The following PKD1 variants were observed in gnomAD, a reference collection of about 807,000 sequenced individuals.
PKD1 encodes polycystin-1.
A neutral mutation model predicts 361.7 loss-of-function variants in PKD1; 81 were observed. That is an observed-to-expected ratio of 0.22 (90% CI 0.19 to 0.27). The LOEUF is 0.27. Among genes scored for constraint, PKD1 ranks in the 10% least tolerant of loss-of-function variants. The pLI is 1.00. For missense variants in PKD1, 6,399 were observed against 6,118.3 expected, an observed-to-expected ratio of 1.05 and a Z score of -1.53; for synonymous variants, 3,615 against 2,818.3, an observed-to-expected ratio of 1.28 and a Z score of -8.95.
At chr16:2,107,177 G>A (rs991207061) in intron 16 of PKD1, 67 of 589,448 alleles carry the variant, frequency 1.1e-4, no homozygotes, top group Non-Finnish European at 1.2e-4. Context: ...CTGGTGTACT[G>A]GACCCAGCTG....
Position 2,091,462 on chromosome 16 carries a change from G to A in PKD1, c.11673C>T (p.Arg3891=). 2 of 1,282,414 alleles carry A rather than the reference G, an allele frequency of 1.6e-6. No individual in the cohort carries two copies. Among genetic ancestry groups the A allele is most frequent in the African/African-American group, 1.6e-5 (1 of 61,566 alleles). 79.4% of individuals were successfully genotyped at this position (1,282,414 alleles called of 1,614,324 possible). A position where few individuals can be genotyped will look rare whatever the true frequency, so the allele number is the denominator to read the frequency against. Residue 3891 remains arginine (R), a synonymous_variant, in exon 42 of 46, where the codon CGC becomes CGT. Coordinates refer to ENST00000262304, the MANE Select transcript of PKD1 (RefSeq NM_001009944.3). ...AALSVRPFAL[R]RLSAGLSLPL... Reference sequence around the variant, plus strand: ...GCAGCGAGAGGCCCGCGCTGAGGCGGCGCAGCGCAAAGGGGCGGACGCTGA... The same window carrying A: ...GCAGCGAGAGGCCCGCGCTGAGGCGACGCAGCGCAAAGGGGCGGACGCTGA...
Position 2,110,700 on chromosome 16 carries a change from A to G in PKD1, c.4467T>C (p.Ala1489=). The G allele has an allele frequency of 6.2e-7, 1 of 1,610,506 alleles. No individual in the cohort carries two copies. Among genetic ancestry groups the G allele is most frequent in the South Asian group, 1.1e-5 (1 of 90,992 alleles). Residue 1489 remains alanine (A), a synonymous_variant, in exon 15 of 46, where the codon GCT becomes GCC. Transcript: ENST00000262304. The part of the protein sequence containing the change: ...LELQQPYLFS[A]VGRGRPASYL... ...AGCTGGCGGGGCGCCCACGGCCCAC[A>G]GCAGAGAACAGGTACGGCTGCTGCA...
intron 1 of PKD1, among the ~76,000 whole-genome samples, chr16:2,124,830 T>G (rs1037361156): frequency 1.1e-4 from 17 of 152,318 alleles, no homozygotes; most frequent in African/African-American, 3.8e-4. Flanking sequence ...CCTGCGGAGC[T>G]TATGTAACCG....
At position 2,106,805 on chromosome 16, in the gene PKD1, C is replaced by G. The variant is rs1174421959; in HGVS notation, c.7209G>C (p.Gly2403=). Reference sequence around the variant, plus strand: ...CGCCCACACCCCGCTCAACACTCACCCCTCGCTTGGAGCCGCTGCTGCAAT... The same window carrying G: ...CGCCCACACCCCGCTCAACACTCACGCCTCGCTTGGAGCCGCTGCTGCAAT... ...CLNCSSGSKR[G]RWAARTFSNK... The change falls in exon 17 of 46, where the codon GGG becomes GGC. Residue 2403 remains glycine (G), a splice_region_variant and synonymous_variant. Coordinates refer to ENST00000262304, the MANE Select transcript of PKD1 (RefSeq NM_001009944.3). The surrounding 1 kb of genome is among the most constrained non-coding windows in gnomAD (Gnocchi z 6.5). 2 of 1,547,180 alleles carry G rather than the reference C, an allele frequency of 1.3e-6. No homozygotes were observed. The highest frequency in any genetic ancestry group is 1.1e-5 in the South Asian group (1 of 90,138).
Position 2,090,268 on chromosome 16 carries a change from C to A in PKD1, c.12444+17G>T, listed in dbSNP as rs371749301. 69 of 1,608,752 alleles carry A rather than the reference C, an allele frequency of 4.3e-5. No homozygotes were observed. In the Admixed American group the frequency reaches 4.7e-4, roughly 11 times the overall value. ...GCCCAGGGCGTGTCCCTCTCCCCCC[C>A]ACTGGGCCGTACCCACCTCCTTGAC... On this transcript the variant is annotated intron_variant, in intron 45 of 45. Coordinates refer to ENST00000262304, the MANE Select transcript of PKD1 (RefSeq NM_001009944.3).
rs1023169783 is a variant in PKD1 at position 2,115,682 on chromosome 16, T to C, written c.1850-57A>G. The C allele has an allele frequency of 1.7e-5, 26 of 1,514,694 alleles. No homozygotes were observed. The African/African-American group carries it at 2.1e-4, about 12-fold the overall frequency. 93.8% of individuals were successfully genotyped at this position (1,514,694 alleles called of 1,614,324 possible). ...TTTGCCCACAGGCCACCGTCAGAGA[T>C]GCCCAACTGCCTGCACCAGCAATCC... On this transcript the variant is annotated intron_variant, in intron 9 of 45. Coordinates refer to ENST00000262304, the MANE Select transcript of PKD1 (RefSeq NM_001009944.3).
In PKD1 at chr16:2,101,366, A is replaced by G. The variant is rs1271790148; in HGVS notation, c.9397+695T>C. Among the ~76,000 whole-genome samples the G allele has an allele frequency of 3.9e-5, 6 of 152,150 alleles. No homozygotes were observed. In the East Asian group the frequency reaches 1.2e-3, roughly 29 times the overall value. On this transcript the variant is annotated intron_variant, in intron 26 of 45. Coordinates refer to ENST00000262304, the MANE Select transcript of PKD1 (RefSeq NM_001009944.3). ...GCACAGAGATAAAAAATGGGAACACAGCCAGGTGTGGTGGCTCACACCTGT... is the reference window on the plus strand; with the variant it reads ...GCACAGAGATAAAAAATGGGAACACGGCCAGGTGTGGTGGCTCACACCTGT...
chr16:2,112,496 T>C, intron 13 of PKD1, 23 bp from the exon 14 acceptor site: 1 of 1,582,746 alleles, frequency 6.3e-7, no homozygotes, highest in Non-Finnish European at 8.5e-7. Flanking sequence ...TGGGACGCAG[T>C]GAGTGAACCG....
rs759293957 is a variant in PKD1 at position 2,110,376 on chromosome 16, G to C, written c.4791C>G (p.Ile1597Met). ...TGCCCACGGAGCGGAAGGTGTAAGA[G>C]ATGGTAGGACCCCCAGGGATGGGCG... ...RCTPIPGGPT[I>M]SYTFRSVGTF... is the part of the protein sequence containing the mutation. Residue 1597 changes from isoleucine to methionine, a missense_variant, in exon 15 of 46, where the codon ATC becomes ATG. By Grantham distance (10) the Ile-to-Met change is conservative. Coordinates refer to ENST00000262304, the MANE Select transcript of PKD1 (RefSeq NM_001009944.3). 4.3e-6 allele frequency: 7 copies of C among 1,612,528 alleles called. No homozygotes were observed. The highest frequency in any genetic ancestry group is 2.2e-5 in the East Asian group (1 of 44,886).
chr16:2,093,691 G>A lies in PKD1; in HGVS notation c.10869C>T (p.His3623=), dbSNP rs547817567. Residue 3623 remains histidine (H), a synonymous_variant, in exon 37 of 46, where the codon CAC becomes CAT. Coordinates refer to ENST00000262304, the MANE Select transcript of PKD1 (RefSeq NM_001009944.3). ...LYFSLVAKRL[H]PDEDDTLVES... is the part of the protein sequence containing the mutation. ...CTACCAGGGTGTCATCTTCATCCGG[G>A]TGCAGCCGCTTGGCCACCAGTGAGA... 1.2e-6 allele frequency: 2 copies of A among 1,602,392 alleles called. No individual in the cohort carries two copies. Among genetic ancestry groups the A allele is most frequent in the South Asian group, 2.2e-5 (2 of 89,506 alleles).
chr16:2,096,960 C>A (rs888728141), intron 34 of PKD1, 188 bp downstream of exon 34: 2 of 613,664 alleles, frequency 3.3e-6, no homozygotes, highest in Non-Finnish European at 2.9e-6. Context: ...AGGGAAGGTT[C>A]TGGGGCCCTG....
At chr16:2,120,900 C>T (rs1339809750) in intron 1 of PKD1, among the ~76,000 whole-genome samples, 1 of 152,030 alleles carries the variant, frequency 6.6e-6, no homozygotes, top group Non-Finnish European at 1.5e-5. Context: ...GCCTGTAGTG[C>T]CAGCCACTCA....
intron 1 of PKD1, among the ~76,000 whole-genome samples, chr16:2,121,687 T>C (rs954681166): frequency 2.6e-5 from 4 of 151,562 alleles, no homozygotes; most frequent in East Asian, 1.9e-4. Flanking sequence ...CGGGGGTCAC[T>C]CTGCCGCCCA....
Position 2,118,224 on chromosome 16 carries a change from G to A in PKD1, c.768C>T (p.Ala256=), listed in dbSNP as rs548835442. The A allele has an allele frequency of 8.7e-5, 134 of 1,532,000 alleles. No homozygotes were observed. The African/African-American group carries it at 1.7e-3, about 20-fold the overall frequency. The allele number at this position is 1,532,000 out of a possible 1,614,324, so 94.9% of individuals were successfully genotyped here. A position where few individuals can be genotyped will look rare whatever the true frequency, so the allele number is the denominator to read the frequency against. Residue 256 remains alanine, a synonymous_variant, in exon 5 of 46, where the codon GCC becomes GCT. Transcript: ENST00000262304. The surrounding 1 kb of genome is among the most constrained non-coding windows in gnomAD (Gnocchi z 6.0). ...GGAGGGTGGGGCCCCTACAGGTGGGGGCAGGAGGTGGCGGGGGGCCGGAGC... is the reference window on the plus strand; with the variant it reads ...GGAGGGTGGGGCCCCTACAGGTGGGAGCAGGAGGTGGCGGGGGGCCGGAGC... ...SLCSGPPPPP[A]PTCRGPTLLQ...
At chr16:2,114,024 G>A in intron 11 of PKD1, 146 bp downstream of exon 11, 1 of 712,108 alleles carries the variant, frequency 1.4e-6, no homozygotes, top group Non-Finnish European at 2.3e-6. Flanking sequence ...AGCCCGAGGA[G>A]CCAGCCAGCA....
chr16:2,121,319 C>T (rs545485629), intron 1 of PKD1, among the ~76,000 whole-genome samples: 18 of 151,648 alleles, frequency 1.2e-4, no homozygotes, highest in Admixed American at 3.3e-4. Flanking sequence ...GAGCTGAGAT[C>T]GCACCCCTGC....
At chr16:2,107,285 T>C (rs1396029471) in intron 16 of PKD1, 1 of 406,550 alleles carries the variant, frequency 2.5e-6, no homozygotes, top group Non-Finnish European at 4.7e-6. Flanking sequence ...AGCTGCCACG[T>C]AGGCCTGACT....
In PKD1 at chr16:2,106,183, G is replaced by A. The variant is rs755113287; in HGVS notation, c.7611C>T (p.Ala2537=). ...GTGGCCTGAAACCCGGGGGCAGCAC[G>A]GCTCCGTAGCTGGAGAGGCTGCCCT... ...VYKGSLSSYG[A]VLPPGFRPHF... is the part of the protein sequence containing the mutation. The change falls in exon 19 of 46, where the codon GCC becomes GCT. Residue 2537 remains alanine, a synonymous_variant. Transcript: ENST00000262304. This position sits in a 1 kb window ranked among gnomAD's most constrained non-coding sequence, Gnocchi z 6.5. 1.9e-5 allele frequency: 30 copies of A among 1,609,792 alleles called. No homozygotes were observed. The highest frequency in any genetic ancestry group is 1.1e-4 in the East Asian group (5 of 44,858).
chr16:2,128,406 G>C (rs958533061), intron 1 of PKD1, among the ~76,000 whole-genome samples: 4 of 150,574 alleles, frequency 2.7e-5, no homozygotes, highest in South Asian at 2.1e-4. Context: ...TCAGCCCCTC[G>C]GGGAGTGCAA....
Sources: gnomAD v4.1 joint callset for allele counts (sites outside exome capture counted in the v4.1 genomes callset) on GRCh38, gnomAD v4.1.1 for gene constraint, Gnocchi (gnomAD v3.1) non-coding constraint, MANE v1.5 for transcripts, NCBI Gene and HGNC (gene_info 2026-07-23, HGNC 2026-07-21) for gene names.